FILIP1: variants seen among roughly 807,000 people sequenced by gnomAD.
FILIP1 encodes the protein filamin-A-interacting protein 1.
Under a neutral mutation model 102.1 loss-of-function variants are expected in FILIP1, and 61 were observed. The observed-to-expected ratio is 0.60, with a 90% CI of 0.49 to 0.74. FILIP1 has a LOEUF of 0.74. FILIP1 is among the 30% of genes least tolerant of loss of function. The pLI is 0.00. For synonymous variants in FILIP1, 491 were observed against 526.9 expected (o/e 0.93, Z 0.93); for missense variants, 1,314 against 1,441.2 (o/e 0.91, Z 1.43).
At chr6:75,451,794 A>C (rs1365575673) in intron 1 of FILIP1, among the ~76,000 whole-genome samples, 2 of 152,178 alleles carry the variant, frequency 1.3e-5, no homozygotes, top group African/African-American at 2.4e-5. Context: ...AGATTGAGCC[A>C]TTGCACTCCA....
At chr6:75,353,171 G>C (rs1221909500) in intron 4 of FILIP1, among the ~76,000 whole-genome samples, 1 of 151,564 alleles carries the variant, frequency 6.6e-6, no homozygotes, top group Non-Finnish European at 1.5e-5. Flanking sequence ...AAACCTGCAC[G>C]TTGTGCACAT....
At chr6:75,347,723 C>T (rs547241127) in intron 4 of FILIP1, among the ~76,000 whole-genome samples, 18 of 152,244 alleles carry the variant, frequency 1.2e-4, no homozygotes, top group African/African-American at 3.6e-4. Flanking sequence ...GTCATTCCCC[C>T]ACATAGGACA....
chr6:75,395,149 T>TAA (rs1776417464), intron 2 of FILIP1, among the ~76,000 whole-genome samples: 1 of 152,152 alleles, frequency 6.6e-6, no homozygotes, highest in Admixed American at 6.6e-5. Flanking sequence ...AATATATATA[T>TAA]AATATGCTCT....
chr6:75,450,092 A>G (rs1215801324), intron 1 of FILIP1, among the ~76,000 whole-genome samples: 1 of 151,978 alleles, frequency 6.6e-6, no homozygotes, highest in Non-Finnish European at 1.5e-5. Flanking sequence ...GGCGCACACC[A>G]CTGTGCCTGA....
At chr6:75,350,152 G>T (rs1774739943) in intron 4 of FILIP1, among the ~76,000 whole-genome samples, 1 of 152,110 alleles carries the variant, frequency 6.6e-6, no homozygotes, top group Non-Finnish European at 1.5e-5. Context: ...AGTGCCCACG[G>T]CATGTGCACT....
chr6:75,410,929 T>C (rs1777045791), intron 2 of FILIP1, among the ~76,000 whole-genome samples: 1 of 152,244 alleles, frequency 6.6e-6, no homozygotes, highest in South Asian at 2.1e-4. Context: ...CCTTTGGGTA[T>C]ATACCCAGTA....
At chr6:75,343,386 A>G (rs1364568198) in intron 4 of FILIP1, among the ~76,000 whole-genome samples, 2 of 152,150 alleles carry the variant, frequency 1.3e-5, no homozygotes, top group Non-Finnish European at 2.9e-5. Flanking sequence ...AGAATTCTCC[A>G]CACCAACTCT....
chr6:75,397,264 A>G (rs1776493945), intron 2 of FILIP1, among the ~76,000 whole-genome samples: 1 of 151,940 alleles, frequency 6.6e-6, no homozygotes. Context: ...AATTCTAAAA[A>G]AAATAATAAG....
chr6:75,468,005 A>G lies in FILIP1; in HGVS notation c.-7+25409T>C, dbSNP rs138931069. On this transcript the variant is annotated intron_variant, in intron 1 of 5. Transcript: ENST00000237172. Reference sequence around the variant, plus strand: ...TTGCTTCCAGCTGGGAGTCAAAGGTATGGAAGCTTGAATCAGAGAAACAAA... The same window carrying G: ...TTGCTTCCAGCTGGGAGTCAAAGGTGTGGAAGCTTGAATCAGAGAAACAAA... Among the ~76,000 whole-genome samples the G allele has an allele frequency of 3.9e-5, 6 of 152,300 alleles. No individual in the cohort carries two copies. The East Asian group carries it at 1.2e-3, about 29-fold the overall frequency.
chr6:75,423,433 CA>C (rs1447576958), intron 1 of FILIP1, among the ~76,000 whole-genome samples: 2 of 152,058 alleles, frequency 1.3e-5, no homozygotes, highest in Non-Finnish European at 2.9e-5. Context: ...TGGTTGGACT[CA>C]GAAGAAGCTC....
At chr6:75,472,575 T>C (rs1779363750) in intron 1 of FILIP1, among the ~76,000 whole-genome samples, 1 of 152,186 alleles carries the variant, frequency 6.6e-6, no homozygotes, top group Non-Finnish European at 1.5e-5. Context: ...TACAAACATT[T>C]ATTTCTTGAT....
intron 4 of FILIP1, among the ~76,000 whole-genome samples, chr6:75,337,752 A>G (rs1400941983): frequency 6.6e-6 from 1 of 152,168 alleles, no homozygotes; most frequent in Non-Finnish European, 1.5e-5. Context: ...TCCCACAACT[A>G]TGCCTTCTTC....
At chr6:75,345,442 C>T (rs1426027750) in intron 4 of FILIP1, among the ~76,000 whole-genome samples, 1 of 151,798 alleles carries the variant, frequency 6.6e-6, no homozygotes, top group Non-Finnish European at 1.5e-5. Flanking sequence ...AGGTGAATGC[C>T]AGCAGATGTG....
chr6:75,456,805 G>A (rs770189723), intron 1 of FILIP1, among the ~76,000 whole-genome samples: 3 of 151,984 alleles, frequency 2.0e-5, no homozygotes, highest in Non-Finnish European at 2.9e-5. Context: ...TGATCCGCGC[G>A]GGTCGGCCTC....
At chr6:75,432,533 T>C (rs1229404818) in intron 1 of FILIP1, among the ~76,000 whole-genome samples, 1 of 152,238 alleles carries the variant, frequency 6.6e-6, no homozygotes, top group East Asian at 1.9e-4. Context: ...CAAGTCAACT[T>C]TTATTTTAGT....
Position 75,314,436 on chromosome 6 carries a change from G to A in FILIP1, c.1396C>T (p.Leu466=). The A allele has an allele frequency of 1.9e-6, 3 of 1,570,276 alleles. No homozygotes were observed. The highest frequency in any genetic ancestry group is 2.6e-6 in the Non-Finnish European group (3 of 1,164,766). ...LEKEKNLTKD[L]LNELEVVKSR... ...TTGACCACCTCCAATTCATTTAGCA[G>A]GTCTTTGGTTAAGTTCTTTTCTTTC... The change falls in exon 5 of 6, where the codon CTG becomes TTG. Residue 466 remains leucine (L), a synonymous_variant. Coordinates refer to ENST00000237172, the MANE Select transcript of FILIP1 (RefSeq NM_015687.5).
In FILIP1 at chr6:75,441,603, CA is replaced by C. The variant is rs1448580574; in HGVS notation, c.-6-26626del. ...CTCCCGGACGGGGCGGCTGGCCGGG[CA>C]GGGGGCTGACCCCCCCGACCTCCCT... On this transcript the variant is annotated intron_variant, in intron 1 of 5. Transcript: ENST00000237172. Among the ~76,000 whole-genome samples the C allele has an allele frequency of 2.7e-3, 399 of 148,928 alleles. 1 individual carries two copies. The highest frequency in any genetic ancestry group is 9.8e-3 in the African/African-American group (385 of 39,420).
At chr6:75,488,322 T>C (rs1779854539) in intron 1 of FILIP1, among the ~76,000 whole-genome samples, 1 of 152,116 alleles carries the variant, frequency 6.6e-6, no homozygotes, top group Non-Finnish European at 1.5e-5. Context: ...TTCTAAATTC[T>C]TCCACAACGG....
At chr6:75,319,069 CCTT>C in intron 4 of FILIP1, 1 of 735,602 alleles carries the variant, frequency 1.4e-6, no homozygotes, top group Non-Finnish European at 2.5e-6. Flanking sequence ...ATCTTCTTCA[CCTT>C]CTTCCTCCTC....
Sources: gnomAD v4.1 joint callset for allele counts (sites outside exome capture counted in the v4.1 genomes callset) on GRCh38, gnomAD v4.1.1 for gene constraint, MANE v1.5 for transcripts, NCBI Gene and HGNC (gene_info 2026-07-23, HGNC 2026-07-21) for gene names.